Variants in TCF3 observed in about 807,000 individuals in gnomAD.
The protein encoded by TCF3 is transcription factor E2-alpha.
TCF3 carries 54 observed loss-of-function variants against 72.3 expected under a neutral mutation model. The observed-to-expected ratio is 0.75, with a 90% CI of 0.60 to 0.94. The LOEUF (loss-of-function observed/expected upper bound fraction) is 0.94. TCF3 is among the 40% of genes least tolerant of loss of function. The pLI is 0.00. For synonymous variants in TCF3, 525 were observed against 412.6 expected (o/e 1.27, Z -3.30); for missense variants, 1,078 against 934.4 (o/e 1.15, Z -2.00).
intron 5 of TCF3, among the ~76,000 whole-genome samples, chr19:1,629,797 G>T (rs1031870256): frequency 2.0e-5 from 3 of 152,138 alleles, no homozygotes; most frequent in Admixed American, 1.3e-4. Flanking sequence ...AAAATTTCCC[G>T]ATTTTTGAAT....
At chr19:1,624,115 C>T (rs1316757992) in intron 7 of TCF3, 115 bp from the exon 8 acceptor site, 16 of 1,020,522 alleles carry the variant, frequency 1.6e-5, no homozygotes, top group Non-Finnish European at 2.3e-5. Context: ...AACCTCGGGT[C>T]GGCTGGGTGC....
In TCF3 at chr19:1,621,171, C is replaced by T; in HGVS notation, c.976G>A (p.Gly326Ser). 1 of 1,538,150 alleles carries T rather than the reference C, an allele frequency of 6.5e-7. No individual in the cohort carries two copies. Among genetic ancestry groups the T allele is most frequent in the South Asian group, 1.2e-5 (1 of 84,006 alleles). The stretch of plus-strand genomic sequence containing the variant: ...TTGCCGAGGGCATCCCCGGAGCTGC[C>T]AGCTGTGGTCCCTCGGGAGCCTGTG... ...SLLGSRGTTA[G>S]SSGDALGKAL... The change falls in exon 12 of 19, where the codon GGC (glycine) becomes AGC (serine). Residue 326 changes from glycine to serine, a missense_variant. By Grantham distance (56) the Gly-to-Ser change is moderately conservative. Coordinates refer to ENST00000262965, the MANE Select transcript of TCF3 (RefSeq NM_003200.5).
chr19:1,650,411 T>A, intron 1 of TCF3, 124 bp from the exon 2 acceptor site: 1 of 688,502 alleles, frequency 1.5e-6, no homozygotes, highest in South Asian at 1.9e-5. Context: ...GGGGTCTGAG[T>A]TCCAGCAGAG....
rs1335666890 is a variant in TCF3 at position 1,614,051 on chromosome 19, C to T, written c.1822+1234G>A. On this transcript the variant is annotated intron_variant, in intron 18 of 18. Transcript: ENST00000262965. This position sits in a 1 kb window ranked among gnomAD's most constrained non-coding sequence, Gnocchi z 5.6. Reference sequence around the variant, plus strand: ...CTGCATGGGTGACCTCGCTCTGTTCCCTGGCTTCCTACTTGGTAGAATGGA... The same window carrying T: ...CTGCATGGGTGACCTCGCTCTGTTCTCTGGCTTCCTACTTGGTAGAATGGA... Among the ~76,000 whole-genome samples the T allele has an allele frequency of 1.3e-5, 2 of 152,280 alleles. No individual in the cohort carries two copies. The highest frequency in any genetic ancestry group is 4.8e-5 in the African/African-American group (2 of 41,474).
chr19:1,633,550 C>G lies in TCF3; in HGVS notation c.146-1145G>C, dbSNP rs1057222528. ...GTGCCTTTGTGTTAATCATTCCCCCCGGGGAGTATTGGTGTTTAATTGCTG... is the reference window on the plus strand; with the variant it reads ...GTGCCTTTGTGTTAATCATTCCCCCGGGGGAGTATTGGTGTTTAATTGCTG... On this transcript the variant is annotated intron_variant, in intron 3 of 18. Transcript: ENST00000262965. Among the ~76,000 whole-genome samples the G allele has an allele frequency of 9.2e-5, 14 of 152,324 alleles. No individual in the cohort carries two copies. In the South Asian group the frequency reaches 1.5e-3, roughly 16 times the overall value.
intron 1 of TCF3, 58 bp from the exon 2 acceptor site, chr19:1,650,345 G>T: frequency 4.6e-6 from 6 of 1,303,704 alleles, no homozygotes; most frequent in South Asian, 1.3e-5. Flanking sequence ...GAGAAGAGTT[G>T]TGAGTGGTCA....
At chr19:1,632,594 C>T (rs943905274) in intron 3 of TCF3, among the ~76,000 whole-genome samples, 189 bp from the exon 4 acceptor site, 1 of 152,156 alleles carries the variant, frequency 6.6e-6, no homozygotes, top group Non-Finnish European at 1.5e-5. Flanking sequence ...CCCTGGGACT[C>T]GGAGCACTTA....
Position 1,619,184 on chromosome 19 carries a change from C to CCT in TCF3, c.1376_1377insAG (p.Met459IlefsTer28). 6.2e-7 allele frequency: 1 copy of CCT among 1,600,408 alleles called. No homozygotes were observed. The highest frequency in any genetic ancestry group is 8.5e-7 in the Non-Finnish European group (1 of 1,179,688). On this transcript the variant is annotated frameshift_variant, in exon 16 of 19. Coordinates refer to ENST00000262965, the MANE Select transcript of TCF3 (RefSeq NM_003200.5). LOFTEE classifies it high-confidence loss of function. ...GGCTGGGGAGGGCCGCGTGGTTGTG[C>CCT]ATGAGGCTGGTGCTGCCTGCGAGGC... is the stretch of plus-strand genomic sequence containing the variant.
chr19:1,614,267 C>G lies in TCF3; in HGVS notation c.1822+1018G>C, dbSNP rs529863094. ...CAGGTGGTGGGGGCGGCCCCTGGAG[C>G]CCAGGACAAGCGCACAGACCAAACT... On this transcript the variant is annotated intron_variant, in intron 18 of 18. Transcript: ENST00000262965. The surrounding 1 kb of genome is among the most constrained non-coding windows in gnomAD (Gnocchi z 5.6). Among the ~76,000 whole-genome samples the G allele has an allele frequency of 6.6e-6, 1 of 152,210 alleles. No individual in the cohort carries two copies. Among genetic ancestry groups the G allele is most frequent in the Non-Finnish European group, 1.5e-5 (1 of 68,020 alleles).
Position 1,622,100 on chromosome 19 carries a change from C to T in TCF3, c.776G>A (p.Ser259Asn), listed in dbSNP as rs769948460. 5 of 1,605,932 alleles carry T rather than the reference C, an allele frequency of 3.1e-6. No individual in the cohort carries two copies. Among genetic ancestry groups the T allele is most frequent in the Admixed American group, 1.7e-5 (1 of 59,340 alleles). Residue 259 changes from serine to asparagine, a missense_variant, in exon 10 of 19, where the codon AGT (serine) becomes AAT (asparagine). Ser to Asn is a conservative substitution (Grantham distance 46, BLOSUM62 1). Coordinates refer to ENST00000262965, the MANE Select transcript of TCF3 (RefSeq NM_003200.5). Reference protein sequence around the residue: ...LPPGSGPVGSSGSSSTFGGLH... With the variant: ...LPPGSGPVGSNGSSSTFGGLH... ...GCCACCAAACGTGCTGCTGCTTCCA[C>T]TGCTGCCCACCGGGCCGCTACCGGG...
At chr19:1,631,812 C>G in intron 5 of TCF3, 20 of 1,199,342 alleles carry the variant, frequency 1.7e-5, no homozygotes, top group Non-Finnish European at 2.2e-5. Flanking sequence ...CCTGCCTCTA[C>G]GCTCAGGCGG....
At chr19:1,643,450 C>T (rs112368901) in intron 3 of TCF3, among the ~76,000 whole-genome samples, 35 of 152,286 alleles carry the variant, frequency 2.3e-4, no homozygotes, top group Middle Eastern at 3.4e-3. Context: ...CTAACTCCTG[C>T]GCTCAAGCGA....
intron 2 of TCF3, among the ~76,000 whole-genome samples, chr19:1,647,271 A>C (rs1269490237): frequency 6.6e-6 from 1 of 152,220 alleles, no homozygotes; most frequent in African/African-American, 2.4e-5. Flanking sequence ...ACAGAAAAAA[A>C]CACAACAAGC....
intron 3 of TCF3, among the ~76,000 whole-genome samples, chr19:1,636,099 G>C (rs113102806): frequency 6.6e-6 from 1 of 152,250 alleles, no homozygotes; most frequent in African/African-American, 2.4e-5. Flanking sequence ...CATGACGGGT[G>C]AGATCAGACA....
chr19:1,618,960 C>A, intron 16 of TCF3, 151 bp downstream of exon 16: 1 of 1,311,324 alleles, frequency 7.6e-7, no homozygotes. Context: ...TCTTACCCAC[C>A]CTCCTGAAGT....
At position 1,611,574 on chromosome 19, in the gene TCF3, G is replaced by T; in HGVS notation, c.*133C>A. The T allele has an allele frequency of 1.6e-6, 2 of 1,286,168 alleles. No homozygotes were observed. Among genetic ancestry groups the T allele is most frequent in the Non-Finnish European group, 2.1e-6 (2 of 953,792 alleles). 79.7% of individuals were successfully genotyped at this position (1,286,168 alleles called of 1,614,324 possible). A position where few individuals can be genotyped will look rare whatever the true frequency, so the allele number is the denominator to read the frequency against. On this transcript the variant is annotated 3_prime_UTR_variant, in exon 19 of 19. Transcript: ENST00000262965. ...CCCCCATCACTCCGAACCTTGTCAG[G>T]TTGGTGTTGGCTCGATGCTGACAAC...
Position 1,650,210 on chromosome 19 carries a change from G to C in TCF3, c.39C>G (p.Asp13Glu), listed in dbSNP as rs373351484. 2.5e-6 allele frequency: 4 copies of C among 1,573,672 alleles called. No individual in the cohort carries two copies. The highest frequency in any genetic ancestry group is 3.4e-6 in the Non-Finnish European group (4 of 1,161,068). Residue 13 changes from aspartate (D) to glutamate (E), a missense_variant, in exon 2 of 19, where the codon GAC becomes GAG. Physicochemically the swap from Asp to Glu is conservative, Grantham distance 45 (BLOSUM62 2). Transcript: ENST00000262965. The stretch of plus-strand genomic sequence containing the variant: ...AGTCCAGGAGGTCACTGAGCTCCTT[G>C]TCTGTGCCCACAGGCGCCATCCTCT... ...QPQRMAPVGT[D>E]KELSDLLDFS...
Position 1,622,387 on chromosome 19 carries a change from T to C in TCF3, c.578A>G (p.Tyr193Cys), listed in dbSNP as rs1266791422. The part of the protein sequence containing the change: ...SVYPPSSGED[Y>C]GRDATAYPSA... ...CGGGTAGGCGGTGGCATCCCTGCCGTAGTCCTCACCTGAGCTGGGTGGGTA... is the reference window on the plus strand; with the variant it reads ...CGGGTAGGCGGTGGCATCCCTGCCGCAGTCCTCACCTGAGCTGGGTGGGTA... The change falls in exon 9 of 19, where the codon TAC (tyrosine) becomes TGC (cysteine). Residue 193 changes from tyrosine to cysteine, a missense_variant. Physicochemically the swap from Tyr to Cys is radical, Grantham distance 194. Transcript: ENST00000262965. 4 of 1,513,816 alleles carry C rather than the reference T, an allele frequency of 2.6e-6. No homozygotes were observed. Among genetic ancestry groups the C allele is most frequent in the African/African-American group, 1.4e-5 (1 of 72,000 alleles). The allele number at this position is 1,513,816 out of a possible 1,614,324, so 93.8% of individuals were successfully genotyped here. A position where few individuals can be genotyped will look rare whatever the true frequency, so the allele number is the denominator to read the frequency against.
chr19:1,619,708 C>T (rs904519271), intron 14 of TCF3, 72 bp downstream of exon 14: 2 of 1,398,856 alleles, frequency 1.4e-6, no homozygotes, highest in African/African-American at 1.5e-5. Flanking sequence ...AAAAAGGTTT[C>T]TCCTTCTCAA....
Sources: allele counts gnomAD v4.1 joint callset (sites outside exome capture counted in the v4.1 genomes callset), GRCh38; gene constraint gnomAD v4.1.1; non-coding constraint Gnocchi (gnomAD v3.1); transcripts MANE v1.5; gene names NCBI Gene and HGNC (gene_info 2026-07-23, HGNC 2026-07-21).